The following MRPL1 variants were observed in gnomAD, a reference collection of about 807,000 sequenced individuals.
The protein encoded by MRPL1 is large ribosomal subunit protein uL1m.
A neutral mutation model predicts 38.0 loss-of-function variants in MRPL1; 28 were observed. The observed-to-expected ratio is 0.74, with a 90% confidence interval of 0.55 to 1.01. The LOEUF (loss-of-function observed/expected upper bound fraction) is 1.01. Ranked by LOEUF, MRPL1 falls within the 50% of genes least tolerant of loss-of-function variation. MRPL1 has a pLI of 0.00. For synonymous variants in MRPL1, 123 were observed against 126.7 expected, an observed-to-expected ratio of 0.97 and a Z score of 0.20; for missense variants, 358 against 389.8, an observed-to-expected ratio of 0.92 and a Z score of 0.69.
chr4:77,925,540 T>C (rs1205218696), intron 7 of MRPL1, among the ~76,000 whole-genome samples: 1 of 151,940 alleles, frequency 6.6e-6, no homozygotes, highest in Non-Finnish European at 1.5e-5. Flanking sequence ...GTTTTTAAAA[T>C]TTAATTATTG....
chr4:77,871,246 G>C (rs866579861), intron 1 of MRPL1, among the ~76,000 whole-genome samples: 1 of 150,970 alleles, frequency 6.6e-6, no homozygotes, highest in Non-Finnish European at 1.5e-5. Context: ...AGATAAGATA[G>C]TTCAAATATT....
chr4:77,926,257 G>C (rs181493259), intron 7 of MRPL1, among the ~76,000 whole-genome samples: 1 of 152,176 alleles, frequency 6.6e-6, no homozygotes, highest in African/African-American at 2.4e-5. Flanking sequence ...TACACTGGGG[G>C]AGATCAGGAG....
At chr4:77,866,901 C>A (rs1399253777) in intron 1 of MRPL1, among the ~76,000 whole-genome samples, 1 of 152,060 alleles carries the variant, frequency 6.6e-6, no homozygotes, top group Admixed American at 6.6e-5. Flanking sequence ...GCGCCTGTCA[C>A]AACGGCCAGC....
At chr4:77,879,853 G>C (rs960226419) in intron 2 of MRPL1, among the ~76,000 whole-genome samples, 1 of 152,176 alleles carries the variant, frequency 6.6e-6, no homozygotes, top group East Asian at 1.9e-4. Flanking sequence ...AAGGACACCT[G>C]TGCCCCATTG....
chr4:77,946,115 A>G (rs1257448584), intron 7 of MRPL1, among the ~76,000 whole-genome samples: 2 of 152,130 alleles, frequency 1.3e-5, no homozygotes, highest in African/African-American at 2.4e-5. Flanking sequence ...CGCGTAAGAC[A>G]GACACTCCCA....
At position 77,909,345 on chromosome 4, in the gene MRPL1, G is replaced by A. The variant is rs1270018202; in HGVS notation, c.750G>A (p.Glu250=). The A allele has an allele frequency of 1.2e-6, 2 of 1,603,236 alleles. No homozygotes were observed. The highest frequency in any genetic ancestry group is 2.7e-5 in the African/African-American group (2 of 74,558). The change falls in exon 7 of 9, where the codon GAG becomes GAA. Residue 250 remains glutamate (E), a synonymous_variant. Transcript: ENST00000315567. ...GHEIKVDEER[E]NFLQTKIATL... ...AAATTAAGGTAGATGAAGAAAGGGA[G>A]AACTTTCTCCAGACCAAAATAGCAA...
intron 6 of MRPL1, among the ~76,000 whole-genome samples, chr4:77,895,904 A>C (rs1346132152): frequency 1.3e-5 from 2 of 152,294 alleles, no homozygotes; most frequent in African/African-American, 4.8e-5. Context: ...TTTAAAAATT[A>C]AACCAGAATT....
At chr4:77,914,355 G>T (rs915298372) in intron 7 of MRPL1, among the ~76,000 whole-genome samples, 1 of 152,046 alleles carries the variant, frequency 6.6e-6, no homozygotes, top group African/African-American at 2.4e-5. Context: ...GTCATATTGG[G>T]GTGATAATGT....
chr4:77,883,214 A>T (rs1735587778), intron 2 of MRPL1, 28 bp from the exon 3 acceptor site: 1 of 1,415,168 alleles, frequency 7.1e-7, no homozygotes, highest in Non-Finnish European at 9.5e-7. Context: ...ATATATATTG[A>T]TATAACTCAA....
chr4:77,930,574 C>CGTTA (rs1321514929), intron 7 of MRPL1, among the ~76,000 whole-genome samples: 2 of 152,182 alleles, frequency 1.3e-5, no homozygotes, highest in Non-Finnish European at 2.9e-5. Context: ...TACAGATTAA[C>CGTTA]ATTAGCAGAG....
At chr4:77,877,031 A>T (rs2110231891) in intron 2 of MRPL1, among the ~76,000 whole-genome samples, 1 of 152,228 alleles carries the variant, frequency 6.6e-6, no homozygotes, top group East Asian at 1.9e-4. Context: ...CTCCTGAGTA[A>T]CAGGGATTAC....
chr4:77,872,876 A>C (rs1343418422), intron 2 of MRPL1, among the ~76,000 whole-genome samples: 3 of 152,042 alleles, frequency 2.0e-5, no homozygotes, highest in African/African-American at 4.8e-5. Context: ...ACAAAAAACA[A>C]AACAAAATTA....
chr4:77,863,461 ATTTT>A lies in MRPL1; in HGVS notation c.31+600_31+603del, dbSNP rs969402527. ...GATGACAGCCCTTTCTTGTGCAACA[ATTTT>A]TTTTTTTTTTTTTTTTTGAGACGGC... On this transcript the variant is annotated intron_variant, in intron 1 of 8. Transcript: ENST00000315567. Among the ~76,000 whole-genome samples the A allele has an allele frequency of 4.1e-3, 464 of 112,652 alleles. 6 individuals are homozygous for A. Among genetic ancestry groups the A allele is most frequent in the African/African-American group, 0.017 (442 of 26,130 alleles). The allele number at this position is 112,652 out of a possible 152,430, so 73.9% of individuals were successfully genotyped here.
chr4:77,934,882 C>T (rs950987567), intron 7 of MRPL1, among the ~76,000 whole-genome samples: 1 of 152,152 alleles, frequency 6.6e-6, no homozygotes, highest in Non-Finnish European at 1.5e-5. Flanking sequence ...CTACAACATG[C>T]ATGAACCTTG....
At chr4:77,950,495 A>G (rs1314730457) in intron 8 of MRPL1, among the ~76,000 whole-genome samples, 2 of 152,198 alleles carry the variant, frequency 1.3e-5, no homozygotes, top group Non-Finnish European at 2.9e-5. Context: ...AAGCCAAGCA[A>G]GGGTCCATTA....
intron 6 of MRPL1, among the ~76,000 whole-genome samples, chr4:77,898,044 A>G (rs73827451): frequency 0.22 from 33,836 of 151,338 alleles, 4,720 homozygotes; most frequent in African/African-American, 0.39. Context: ...CACACTAAGC[A>G]CTCTCCCTCC....
intron 7 of MRPL1, among the ~76,000 whole-genome samples, chr4:77,919,362 G>C (rs1736509996): frequency 6.6e-6 from 1 of 151,908 alleles, no homozygotes; most frequent in South Asian, 2.1e-4. Flanking sequence ...TTCTTCACTT[G>C]TTCTTCATTA....
Position 77,863,461 on chromosome 4 carries a change from A to ATTTTTTTTTTTTT in MRPL1, c.31+591_31+603dup, listed in dbSNP as rs969402527. Among the ~76,000 whole-genome samples the ATTTTTTTTTTTTT allele has an allele frequency of 8.5e-4, 96 of 112,658 alleles. 3 individuals carry two copies. The highest frequency in any genetic ancestry group is 2.8e-3 in the African/African-American group (72 of 26,130). The allele number at this position is 112,658 out of a possible 152,430, so 73.9% of individuals were successfully genotyped here. ...GATGACAGCCCTTTCTTGTGCAACAATTTTTTTTTTTTTTTTTTTTTGAGA... is the reference window on the plus strand; with the variant it reads ...GATGACAGCCCTTTCTTGTGCAACAATTTTTTTTTTTTTTTTTTTTTTTTTTTTTTTTTTGAGA... On this transcript the variant is annotated intron_variant, in intron 1 of 8. Transcript: ENST00000315567.
intron 1 of MRPL1, among the ~76,000 whole-genome samples, chr4:77,867,500 T>A (rs539234208): frequency 1.1e-3 from 169 of 152,350 alleles, no homozygotes; most frequent in African/African-American, 3.2e-3. Context: ...GCTTACCATC[T>A]ATTGAGGAGC....
Sources: gnomAD v4.1 joint callset for allele counts (sites outside exome capture counted in the v4.1 genomes callset) on GRCh38, gnomAD v4.1.1 for gene constraint, MANE v1.5 for transcripts, NCBI Gene and HGNC (gene_info 2026-07-23, HGNC 2026-07-21) for gene names.